ANO6: variants seen among roughly 807,000 people sequenced by gnomAD.
The protein encoded by ANO6 is anoctamin 6.
Under a neutral mutation model 117.5 loss-of-function variants are expected in ANO6, and 106 were observed. That is an observed-to-expected ratio of 0.90 (90% CI 0.77 to 1.06). ANO6 has a LOEUF of 1.06. Ranked by LOEUF, ANO6 falls within the 50% of genes least tolerant of loss-of-function variation. ANO6 has a pLI of 0.00. For missense variants in ANO6, 955 were observed against 1,121.1 expected (o/e 0.85, Z 2.12); for synonymous variants, 367 against 385.1 (o/e 0.95, Z 0.55).
chr12:45,397,190 C>T (rs1593064145), intron 12 of ANO6, among the ~76,000 whole-genome samples: 2 of 151,788 alleles, frequency 1.3e-5, no homozygotes, highest in East Asian at 1.9e-4. Flanking sequence ...TATGAACAGA[C>T]ACTTTTCAAA....
At chr12:45,217,186 G>A (rs1348195940) in intron 1 of ANO6, among the ~76,000 whole-genome samples, 1 of 152,152 alleles carries the variant, frequency 6.6e-6, no homozygotes, top group African/African-American at 2.4e-5. Flanking sequence ...AAGGGGAAAG[G>A]AATGAGAGGA....
At position 45,416,691 on chromosome 12, in the gene ANO6, A is replaced by G. The variant is rs1194042886; in HGVS notation, c.2012-8A>G. ...CCACTCCATGATGTGTGTCCATTCCATTGACAGTTATTCAGTTTGGGTTCG... is the reference window on the plus strand; with the variant it reads ...CCACTCCATGATGTGTGTCCATTCCGTTGACAGTTATTCAGTTTGGGTTCG... On this transcript the variant is annotated splice_polypyrimidine_tract_variant and splice_region_variant and intron_variant, in intron 16 of 19. Coordinates refer to ENST00000320560, the MANE Select transcript of ANO6 (RefSeq NM_001025356.3). 2 of 1,613,692 alleles carry G rather than the reference A, an allele frequency of 1.2e-6. No individual in the cohort carries two copies. The highest frequency in any genetic ancestry group is 8.5e-7 in the Non-Finnish European group (1 of 1,179,746).
chr12:45,440,016 G>T, exon 20 of ANO6: 1 of 1,344,550 alleles, frequency 7.4e-7, no homozygotes, highest in Non-Finnish European at 9.6e-7. Flanking sequence ...TCAAGATAGA[G>T]TAGCATTGTT....
intron 1 of ANO6, among the ~76,000 whole-genome samples, chr12:45,298,862 G>T (rs533674953): frequency 6.6e-6 from 1 of 151,330 alleles, no homozygotes; most frequent in Non-Finnish European, 1.5e-5. Context: ...TTAGAAAAAA[G>T]AAAAAAATCA....
chr12:45,312,172 G>A (rs889142787), intron 2 of ANO6, among the ~76,000 whole-genome samples: 2 of 151,930 alleles, frequency 1.3e-5, no homozygotes, highest in African/African-American at 4.8e-5. Context: ...AGGGAGCCCT[G>A]GACATTCTGA....
chr12:45,411,097 C>A (rs536574382), intron 16 of ANO6, among the ~76,000 whole-genome samples: 16 of 152,212 alleles, frequency 1.1e-4, no homozygotes, highest in African/African-American at 3.6e-4. Context: ...CTTATTGGAA[C>A]TATTAACAGC....
chr12:45,246,820 A>G (rs150177589), intron 1 of ANO6, among the ~76,000 whole-genome samples: 299 of 144,936 alleles, frequency 2.1e-3, no homozygotes, highest in African/African-American at 7.4e-3. Context: ...GTTGGAGCGC[A>G]GTGGCGCTGT....
chr12:45,365,173 G>A (rs1046410977), intron 8 of ANO6, among the ~76,000 whole-genome samples: 21 of 152,146 alleles, frequency 1.4e-4, no homozygotes, highest in African/African-American at 4.8e-4. Flanking sequence ...TGTGTTTAAC[G>A]CTCCAGCAGG....
rs971772014 is a variant in ANO6 at position 45,439,667 on chromosome 12, T to G, written c.2527-8T>G. 6.5e-6 allele frequency: 8 copies of G among 1,229,384 alleles called. No homozygotes were observed. The Admixed American group carries it at 2.3e-4, about 36-fold the overall frequency. 76.2% of individuals were successfully genotyped at this position (1,229,384 alleles called of 1,614,324 possible). On this transcript the variant is annotated splice_region_variant and splice_polypyrimidine_tract_variant and intron_variant, in intron 19 of 19. Transcript: ENST00000425752. Reference sequence around the variant, plus strand: ...AATTGCTTTTTTTTTTTTTTTTTTTTGAGACAGTATCTCGCTTTGTTGCCC... The same window carrying G: ...AATTGCTTTTTTTTTTTTTTTTTTTGGAGACAGTATCTCGCTTTGTTGCCC...
chr12:45,430,239 C>G lies in ANO6; in HGVS notation c.*928C>G. 1 of 985,402 alleles carries G rather than the reference C, an allele frequency of 1.0e-6. No homozygotes were observed. Among genetic ancestry groups the G allele is most frequent in the Non-Finnish European group, 1.2e-6 (1 of 829,942 alleles). The allele number at this position is 985,402 out of a possible 1,614,324, so 61.0% of individuals were successfully genotyped here. A position where few individuals can be genotyped will look rare whatever the true frequency, so the allele number is the denominator to read the frequency against. Reference sequence around the variant, plus strand: ...AAAAGATAAGCCCCTCAATTTTCTACCAGTTGACTTTTATTCATTAGATAC... The same window carrying G: ...AAAAGATAAGCCCCTCAATTTTCTAGCAGTTGACTTTTATTCATTAGATAC... On this transcript the variant is annotated 3_prime_UTR_variant, in exon 20 of 20. Transcript: ENST00000320560.
chr12:45,247,251 T>TG (rs2137179335), intron 1 of ANO6, among the ~76,000 whole-genome samples: 1 of 152,238 alleles, frequency 6.6e-6, no homozygotes, highest in African/African-American at 2.4e-5. Flanking sequence ...TGTAATGAAA[T>TG]TCATCACTTC....
At chr12:45,224,722 A>C (rs1487475856) in intron 1 of ANO6, among the ~76,000 whole-genome samples, 1 of 151,922 alleles carries the variant, frequency 6.6e-6, no homozygotes, top group Non-Finnish European at 1.5e-5. Context: ...CTGTATACAC[A>C]CTCGTCTTTT....
chr12:45,290,411 GTCT>G (rs1483418461), intron 1 of ANO6, among the ~76,000 whole-genome samples: 16 of 152,164 alleles, frequency 1.1e-4, no homozygotes, highest in Non-Finnish European at 2.1e-4. Context: ...TAAAAGTGGT[GTCT>G]TCTTTCATCC....
chr12:45,238,205 C>A (rs1223054741), intron 1 of ANO6, among the ~76,000 whole-genome samples: 1 of 145,288 alleles, frequency 6.9e-6, no homozygotes, highest in African/African-American at 2.6e-5. Context: ...GGCTGGAGTG[C>A]AGTGGCAGGA....
intron 8 of ANO6, among the ~76,000 whole-genome samples, chr12:45,365,579 G>A (rs1941664206): frequency 6.6e-6 from 1 of 152,168 alleles, no homozygotes; most frequent in Admixed American, 6.5e-5. Flanking sequence ...AGGTCAAATA[G>A]TAAGACTTCT....
Position 45,416,794 on chromosome 12 carries a change from G to A in ANO6, c.2107G>A (p.Ala703Thr), listed in dbSNP as rs202121654. 25 of 1,613,990 alleles carry A rather than the reference G, an allele frequency of 1.5e-5. No homozygotes were observed. Among genetic ancestry groups the A allele is most frequent in the South Asian group, 3.3e-5 (3 of 91,080 alleles). Residue 703 changes from alanine (A) to threonine (T), a missense_variant, in exon 17 of 20, where the codon GCA becomes ACA. Ala to Thr is a moderately conservative substitution (Grantham distance 58). Coordinates refer to ENST00000320560, the MANE Select transcript of ANO6 (RefSeq NM_001025356.3). ...CAATATATTGGAAATAAGAGTGGAC[G>A]CATGGAAACTGACCACCCAGTTTAG... ...VNNILEIRVD[A>T]WKLTTQFRRL...
At chr12:45,360,682 A>G (rs950334629) in intron 8 of ANO6, among the ~76,000 whole-genome samples, 5 of 152,200 alleles carry the variant, frequency 3.3e-5, no homozygotes, top group African/African-American at 9.6e-5. Context: ...AACCATTCGT[A>G]ATCCAAAGTC....
chr12:45,337,679 A>T (rs1331581411), intron 3 of ANO6, among the ~76,000 whole-genome samples: 1 of 152,066 alleles, frequency 6.6e-6, no homozygotes, highest in Non-Finnish European at 1.5e-5. Context: ...TGGTCAAAGG[A>T]TACAAAATTT....
At chr12:45,300,049 A>G (rs1939429552) in intron 1 of ANO6, among the ~76,000 whole-genome samples, 1 of 152,162 alleles carries the variant, frequency 6.6e-6, no homozygotes, top group Non-Finnish European at 1.5e-5. Context: ...GGGTCACTGA[A>G]TGTTTCTAGA....
Sources: allele counts gnomAD v4.1 joint callset (sites outside exome capture counted in the v4.1 genomes callset), GRCh38; gene constraint gnomAD v4.1.1; transcripts MANE v1.5; gene names NCBI Gene and HGNC (gene_info 2026-07-23, HGNC 2026-07-21).